The following ZFAT variants were observed in gnomAD, a reference collection of about 807,000 sequenced individuals.
ZFAT encodes zinc finger and AT-hook domain containing.
In ZFAT, 64 loss-of-function variants were observed where a neutral mutation model predicts 117.7. The ratio of observed to expected loss-of-function variants is 0.54; its 90% CI spans 0.44 to 0.67. The LOEUF (loss-of-function observed/expected upper bound fraction) is 0.67. Among genes scored for constraint, ZFAT ranks in the 30% least tolerant of loss-of-function variants. ZFAT has a pLI of 0.00. For missense variants in ZFAT, 1,433 were observed against 1,584.5 expected (o/e 0.90, Z 1.62); for synonymous variants, 679 against 615.0 (o/e 1.10, Z -1.54).
the ZFAT span, among the ~76,000 whole-genome samples, chr8:134,741,653 T>G: frequency 1.3e-5 from 2 of 152,062 alleles, no homozygotes; most frequent in Non-Finnish European, 2.9e-5. Flanking sequence ...TCAATTACCA[T>G]CTATACGCTG....
the ZFAT span, among the ~76,000 whole-genome samples, chr8:134,754,630 T>C: frequency 6.6e-6 from 1 of 152,182 alleles, no homozygotes; most frequent in Admixed American, 6.5e-5. Flanking sequence ...ACCTGTAAAA[T>C]AGTAGGAGGC....
At chr8:134,667,440 C>A (rs1832284801) in intron 1 of ZFAT, among the ~76,000 whole-genome samples, 1 of 144,494 alleles carries the variant, frequency 6.9e-6, no homozygotes, top group African/African-American at 2.6e-5. Context: ...TTGCAGTGAG[C>A]TGGGATCGCA....
At position 134,483,133 on chromosome 8, in the gene ZFAT, A is replaced by G. The variant is rs556585261; in HGVS notation, c.3493-4412T>C. Among the ~76,000 whole-genome samples, 10 of 152,284 alleles carry G rather than the reference A, an allele frequency of 6.6e-5. No homozygotes were observed. The East Asian group carries it at 1.9e-3, about 29-fold the overall frequency. Reference sequence around the variant, plus strand: ...CTCTGTTTGCTTTTATGCAGTTTTTACAAACCATGCACCTCCTTCCTTGCT... The same window carrying G: ...CTCTGTTTGCTTTTATGCAGTTTTTGCAAACCATGCACCTCCTTCCTTGCT... On this transcript the variant is annotated intron_variant, in intron 15 of 15. Coordinates refer to ENST00000377838, the MANE Select transcript of ZFAT (RefSeq NM_020863.4).
At chr8:134,796,205 C>G in the ZFAT span, 1 of 152,202 alleles carries the variant, frequency 6.6e-6, no homozygotes, top group Non-Finnish European at 1.5e-5. Flanking sequence ...ATTCTGTGAG[C>G]TGCTCTAGCA....
intron 3 of ZFAT, among the ~76,000 whole-genome samples, chr8:134,632,581 A>AT (rs890617812): frequency 1.3e-3 from 191 of 152,168 alleles, no homozygotes; most frequent in Middle Eastern, 6.8e-3. Context: ...AAACAGAAGC[A>AT]TTTTTTTTAA....
At chr8:134,587,349 C>T (rs1244850024) in intron 9 of ZFAT, among the ~76,000 whole-genome samples, 1 of 152,214 alleles carries the variant, frequency 6.6e-6, no homozygotes, top group Non-Finnish European at 1.5e-5. Context: ...TCTGCCTTCT[C>T]CGGGTTCCCA....
At chr8:134,561,267 C>T (rs146194697) in intron 11 of ZFAT, among the ~76,000 whole-genome samples, 179 of 152,338 alleles carry the variant, frequency 1.2e-3, no homozygotes, top group African/African-American at 3.8e-3. Context: ...AAAACACCTA[C>T]AAAATGCTGA....
chr8:134,550,424 A>G (rs1823072370), intron 11 of ZFAT, among the ~76,000 whole-genome samples: 1 of 152,156 alleles, frequency 6.6e-6, no homozygotes, highest in Non-Finnish European at 1.5e-5. Flanking sequence ...AAGGCCAGAG[A>G]CAAATTAAAC....
chr8:134,493,300 G>A (rs1490419831), intron 15 of ZFAT, among the ~76,000 whole-genome samples: 2 of 152,056 alleles, frequency 1.3e-5, no homozygotes, highest in African/African-American at 2.4e-5. Context: ...TTGTCCACCA[G>A]GTCCCTGGGC....
chr8:134,670,136 C>A (rs1832481249), intron 1 of ZFAT, among the ~76,000 whole-genome samples: 1 of 152,190 alleles, frequency 6.6e-6, no homozygotes, highest in African/African-American at 2.4e-5. Context: ...GACTTAGACT[C>A]CCACACAATA....
At chr8:134,527,400 C>T (rs556392468) in intron 12 of ZFAT, among the ~76,000 whole-genome samples, 4 of 152,062 alleles carry the variant, frequency 2.6e-5, no homozygotes, top group Admixed American at 6.6e-5. Flanking sequence ...CTGACAGATA[C>T]GAATACGGAT....
chr8:134,782,745 C>T, the ZFAT span, among the ~76,000 whole-genome samples: 2 of 152,076 alleles, frequency 1.3e-5, no homozygotes, highest in Non-Finnish European at 2.9e-5. Context: ...GATTATGAGG[C>T]CTCCCCAGCC....
chr8:134,724,584 T>C, the ZFAT span, among the ~76,000 whole-genome samples: 3 of 151,968 alleles, frequency 2.0e-5, no homozygotes, highest in Admixed American at 1.3e-4. Context: ...CTCATGTATA[T>C]GGGTTGAACA....
chr8:134,574,073 C>T (rs893996183), intron 10 of ZFAT, among the ~76,000 whole-genome samples: 3 of 152,226 alleles, frequency 2.0e-5, no homozygotes, highest in Admixed American at 6.5e-5. Flanking sequence ...GAGATGTGAC[C>T]GACCAAACCT....
chr8:134,785,262 T>C, the ZFAT span: 1 of 152,228 alleles, frequency 6.6e-6, no homozygotes, highest in Admixed American at 6.5e-5. Context: ...ATTTGGACAC[T>C]TCCTTTGTCA....
chr8:134,743,467 C>T, the ZFAT span, among the ~76,000 whole-genome samples: 5 of 151,050 alleles, frequency 3.3e-5, no homozygotes, highest in Admixed American at 1.3e-4. Flanking sequence ...CCAGCCTGGG[C>T]GACAGAGTGA....
At position 134,629,110 on chromosome 8, in the gene ZFAT, AG is replaced by A. The variant is rs1169384911; in HGVS notation, c.448+8350del. On this transcript the variant is annotated intron_variant, in intron 3 of 15. Transcript: ENST00000377838. ...TAGGGGAAGGATTGAAGTGATATTCAGCAGGTAGTCAATCGACCACGGTAAG... is the reference window on the plus strand; with the variant it reads ...TAGGGGAAGGATTGAAGTGATATTCACAGGTAGTCAATCGACCACGGTAAG... Among the ~76,000 whole-genome samples the A allele has an allele frequency of 1.4e-4, 21 of 152,322 alleles. No individual in the cohort carries two copies. The East Asian group carries it at 3.3e-3, about 24-fold the overall frequency.
intron 4 of ZFAT, among the ~76,000 whole-genome samples, chr8:134,610,226 C>T (rs1029437928): frequency 3.3e-5 from 5 of 152,192 alleles, no homozygotes; most frequent in African/African-American, 7.2e-5. Context: ...AGCAGCACGG[C>T]GGAGCTGTGG....
At chr8:134,543,333 T>C (rs577643500) in intron 11 of ZFAT, among the ~76,000 whole-genome samples, 120 of 152,356 alleles carry the variant, frequency 7.9e-4, no homozygotes, top group Non-Finnish European at 1.4e-3. Flanking sequence ...AATACCCAGA[T>C]GACCTGCCCA....
Sources: allele counts gnomAD v4.1 joint callset (sites outside exome capture counted in the v4.1 genomes callset), GRCh38; gene constraint gnomAD v4.1.1; transcripts MANE v1.5; gene names NCBI Gene and HGNC (gene_info 2026-07-23, HGNC 2026-07-21).